Variants in IMMP2L observed in about 807,000 individuals in gnomAD.
IMMP2L encodes the protein inner mitochondrial membrane peptidase subunit 2.
IMMP2L carries 18 observed loss-of-function variants against 19.3 expected under a neutral mutation model. The observed-to-expected ratio is 0.93, with a 90% confidence interval of 0.64 to 1.38. IMMP2L has a LOEUF of 1.38. IMMP2L is among the 40% of genes most tolerant of loss of function. The pLI, the probability that IMMP2L is intolerant of heterozygous loss-of-function variation, is 0.00. For synonymous variants in IMMP2L, 76 were observed against 73.0 expected (o/e 1.04, Z -0.21); for missense variants, 233 against 218.2 (o/e 1.07, Z -0.43).
intron 3 of IMMP2L, among the ~76,000 whole-genome samples, chr7:111,259,388 A>G (rs1489028962): frequency 6.6e-6 from 1 of 152,130 alleles, no homozygotes; most frequent in Admixed American, 6.5e-5. Context: ...TAATCCCAAA[A>G]CTTTGGGAAG....
chr7:110,858,367 C>T (rs1807021280), intron 5 of IMMP2L, among the ~76,000 whole-genome samples: 1 of 151,954 alleles, frequency 6.6e-6, no homozygotes. Context: ...GTCTCTGTTT[C>T]CAGACTAAAG....
chr7:111,277,040 G>A (rs987807848), intron 3 of IMMP2L, among the ~76,000 whole-genome samples: 4 of 152,162 alleles, frequency 2.6e-5, no homozygotes, highest in South Asian at 2.1e-4. Flanking sequence ...AAACTCTTCC[G>A]GACATTGGCC....
intron 3 of IMMP2L, among the ~76,000 whole-genome samples, chr7:111,191,470 AC>A (rs1808868991): frequency 8.4e-6 from 1 of 118,536 alleles, no homozygotes; most frequent in African/African-American, 2.8e-5. Context: ...ACACACACAC[AC>A]ACAAAACTTA....
chr7:111,384,177 G>A (rs1831484963), intron 3 of IMMP2L, among the ~76,000 whole-genome samples: 1 of 151,422 alleles, frequency 6.6e-6, no homozygotes, highest in Admixed American at 6.6e-5. Context: ...GAGAAAGGAG[G>A]AGAAGGAGAA....
chr7:111,304,052 A>T (rs1049421377), intron 3 of IMMP2L, among the ~76,000 whole-genome samples: 3 of 152,160 alleles, frequency 2.0e-5, no homozygotes, highest in Admixed American at 6.5e-5. Flanking sequence ...ATTTCCATAT[A>T]CTGTTAATTT....
intron 3 of IMMP2L, among the ~76,000 whole-genome samples, chr7:111,377,136 C>A: frequency 6.6e-6 from 1 of 151,716 alleles, no homozygotes; most frequent in Middle Eastern, 3.4e-3. Context: ...TAGTTATTTT[C>A]TTCTAATATT....
intron 3 of IMMP2L, among the ~76,000 whole-genome samples, chr7:111,473,503 A>C (rs1381774926): frequency 1.3e-5 from 2 of 152,172 alleles, no homozygotes; most frequent in Non-Finnish European, 2.9e-5. Context: ...GCAGATGCTA[A>C]GTGTCCCACT....
chr7:110,777,023 G>A (rs973281438), intron 5 of IMMP2L, among the ~76,000 whole-genome samples: 17 of 151,976 alleles, frequency 1.1e-4, no homozygotes, highest in African/African-American at 4.1e-4. Context: ...TTGTTAATAT[G>A]TGTGGCTATG....
At chr7:110,786,363 T>C (rs569526710) in intron 5 of IMMP2L, among the ~76,000 whole-genome samples, 2 of 151,936 alleles carry the variant, frequency 1.3e-5, no homozygotes, top group Admixed American at 6.6e-5. Flanking sequence ...TGAGAACAGA[T>C]GAGAGTTCAA....
At chr7:111,171,058 C>T (rs1308778542) in intron 3 of IMMP2L, among the ~76,000 whole-genome samples, 1 of 151,688 alleles carries the variant, frequency 6.6e-6, no homozygotes, top group Admixed American at 6.6e-5. Context: ...GATTGTATTT[C>T]ATAGGTTTAC....
chr7:111,540,495 G>A (rs971943292), intron 1 of IMMP2L, among the ~76,000 whole-genome samples: 5 of 152,088 alleles, frequency 3.3e-5, no homozygotes, highest in African/African-American at 1.2e-4. Flanking sequence ...AAGCTCTAAC[G>A]AGGTGAGAAG....
chr7:110,764,052 C>T lies in IMMP2L; in HGVS notation c.409-100331G>A, dbSNP rs142504519. Among the ~76,000 whole-genome samples the T allele has an allele frequency of 3.0e-4, 45 of 152,088 alleles. No individual in the cohort carries two copies. In the Middle Eastern group the frequency reaches 0.01, roughly 34 times the overall value. On this transcript the variant is annotated intron_variant, in intron 5 of 5. Transcript: ENST00000405709. ...ACTCAAAGGCTTTAATTCACAGAAG[C>T]CTTAAATGAAGCGATACATCCTTGT... is the stretch of plus-strand genomic sequence containing the variant.
At chr7:110,810,642 T>C (rs772694791) in intron 5 of IMMP2L, among the ~76,000 whole-genome samples, 2 of 151,850 alleles carry the variant, frequency 1.3e-5, no homozygotes, top group Admixed American at 6.6e-5. Flanking sequence ...ATGCTTAGAG[T>C]TCCGATAATG....
intron 4 of IMMP2L, among the ~76,000 whole-genome samples, chr7:110,916,041 C>T (rs981648915): frequency 6.6e-6 from 1 of 152,142 alleles, no homozygotes; most frequent in African/African-American, 2.4e-5. Context: ...TTAAAAGGCT[C>T]ACGTCACATT....
intron 3 of IMMP2L, among the ~76,000 whole-genome samples, chr7:111,238,082 T>C (rs922952903): frequency 1.4e-4 from 22 of 152,094 alleles, no homozygotes; most frequent in African/African-American, 5.1e-4. Flanking sequence ...TTATATCCTA[T>C]TCTCAAACAT....
chr7:111,035,277 A>G (rs910874229), intron 3 of IMMP2L, among the ~76,000 whole-genome samples: 2 of 152,196 alleles, frequency 1.3e-5, no homozygotes, highest in Non-Finnish European at 2.9e-5. Flanking sequence ...AAAAGGTATC[A>G]TCTATTAACC....
chr7:111,144,870 T>C (rs1371414782), intron 3 of IMMP2L, among the ~76,000 whole-genome samples: 4 of 152,098 alleles, frequency 2.6e-5, no homozygotes, highest in Non-Finnish European at 4.4e-5. Flanking sequence ...CAAATGATCA[T>C]TAAATATATA....
intron 3 of IMMP2L, among the ~76,000 whole-genome samples, chr7:111,142,932 G>A (rs1267416462): frequency 6.6e-6 from 1 of 152,106 alleles, no homozygotes; most frequent in Admixed American, 6.5e-5. Flanking sequence ...CAGAAAGCTT[G>A]TGAATAGAAC....
At chr7:111,515,781 C>T (rs768558453) in intron 2 of IMMP2L, among the ~76,000 whole-genome samples, 1 of 152,036 alleles carries the variant, frequency 6.6e-6, no homozygotes, top group African/African-American at 2.4e-5. Flanking sequence ...TCAACCTGAG[C>T]GGCACAGTTT....
Sources: gnomAD v4.1 joint callset for allele counts (sites outside exome capture counted in the v4.1 genomes callset) on GRCh38, gnomAD v4.1.1 for gene constraint, MANE v1.5 for transcripts, NCBI Gene and HGNC (gene_info 2026-07-23, HGNC 2026-07-21) for gene names.